The following RBM11 variants were observed in gnomAD, a reference collection of about 807,000 sequenced individuals.
RBM11 encodes RNA binding motif protein 11.
A neutral mutation model predicts 21.4 loss-of-function variants in RBM11; 18 were observed. The observed-to-expected ratio is 0.84, with a 90% CI of 0.58 to 1.25. The LOEUF is 1.25. Ranked by LOEUF, RBM11 falls within the 50% of genes most tolerant of loss-of-function variation. The probability of loss-of-function intolerance (pLI) is 0.00; values close to 1 mark genes in which losing one functional copy is unlikely to be tolerated. For missense variants in RBM11, 294 were observed against 331.9 expected (o/e 0.89, Z 0.89); for synonymous variants, 120 against 116.3 (o/e 1.03, Z -0.20).
intron 4 of RBM11, among the ~76,000 whole-genome samples, chr21:14,226,008 T>C (rs1979055980): frequency 6.6e-6 from 1 of 152,084 alleles, no homozygotes; most frequent in Non-Finnish European, 1.5e-5. Context: ...TGGTTCGGTT[T>C]TCAGAAAACT....
intron 1 of RBM11, among the ~76,000 whole-genome samples, chr21:14,217,158 G>C (rs1333430059): frequency 6.6e-6 from 1 of 152,192 alleles, no homozygotes; most frequent in Non-Finnish European, 1.5e-5. Context: ...CTCTGAGCCT[G>C]TCAATGAATT....
At chr21:14,226,607 G>A (rs1411925138) in intron 4 of RBM11, among the ~76,000 whole-genome samples, 1 of 134,704 alleles carries the variant, frequency 7.4e-6, no homozygotes, top group Non-Finnish European at 1.6e-5. Context: ...GCAACAAAGT[G>A]AGACCCTGTC....
rs746144992 is a variant in RBM11, at chr21:14,224,554, T to G, written c.432+17T>G. 6.5e-7 allele frequency: 1 copy of G among 1,540,690 alleles called. No individual in the cohort carries two copies. ...CAGAAGATGGTAAGTTTAATATGCA[T>G]TTTATTTAGTATATAATATGATACA... On this transcript the variant is annotated intron_variant, in intron 4 of 4. Coordinates refer to ENST00000400577, the MANE Select transcript of RBM11 (RefSeq NM_144770.5).
chr21:14,223,716 T>A (rs1600963652), intron 3 of RBM11, among the ~76,000 whole-genome samples: 1 of 152,182 alleles, frequency 6.6e-6, no homozygotes, highest in Non-Finnish European at 1.5e-5. Context: ...AGTGTTGAGA[T>A]GTGGGACCTT....
At position 14,227,200 on chromosome 21, in the gene RBM11, G is replaced by C. The variant is rs1568903095; in HGVS notation, c.753G>C (p.Lys251Asn). The C allele has an allele frequency of 2.5e-6, 4 of 1,614,022 alleles. No individual in the cohort carries two copies. The highest frequency in any genetic ancestry group is 3.4e-6 in the Non-Finnish European group (4 of 1,179,902). Residue 251 changes from lysine to asparagine, a missense_variant, in exon 5 of 5, where the codon AAG becomes AAC. Coordinates refer to ENST00000400577, the MANE Select transcript of RBM11 (RefSeq NM_144770.5). ...AGATGAATAAACGAAAGAGACAAAA[G>C]CAAACAAGTGATAGTGATAGTAGCA... ...LYQMNKRKRQ[K>N]QTSDSDSSTD...
chr21:14,216,461 C>A (rs1399810871), intron 1 of RBM11, among the ~76,000 whole-genome samples, 179 bp downstream of exon 1: 1 of 152,128 alleles, frequency 6.6e-6, no homozygotes, highest in Non-Finnish European at 1.5e-5. Flanking sequence ...AATGAGGGCG[C>A]GTTCCCCATC....
chr21:14,216,481 G>A (rs527687378), intron 1 of RBM11, among the ~76,000 whole-genome samples, 199 bp downstream of exon 1: 2 of 152,092 alleles, frequency 1.3e-5, no homozygotes, highest in South Asian at 4.1e-4. Flanking sequence ...CCCCATCCGC[G>A]CTGCAGAGTC....
intron 4 of RBM11, among the ~76,000 whole-genome samples, chr21:14,225,274 A>G (rs1018943362): frequency 1.3e-5 from 2 of 152,174 alleles, no homozygotes; most frequent in African/African-American, 2.4e-5. Context: ...TCTTGAGTAT[A>G]TACTTAGTCC....
chr21:14,221,943 A>C (rs903577450), intron 3 of RBM11, among the ~76,000 whole-genome samples: 5 of 152,296 alleles, frequency 3.3e-5, no homozygotes, highest in African/African-American at 1.2e-4. Flanking sequence ...TGCTGACTGC[A>C]GTACTTCTGC....
intron 3 of RBM11, among the ~76,000 whole-genome samples, chr21:14,223,227 A>G (rs1034106529): frequency 2.0e-5 from 3 of 152,226 alleles, no homozygotes; most frequent in African/African-American, 7.2e-5. Flanking sequence ...TTCTGATATT[A>G]TAAAGAAAGC....
In RBM11 at chr21:14,226,888, T is replaced by C. The variant is rs1374348947; in HGVS notation, c.441T>C (p.His147=). 1 of 1,607,254 alleles carries C rather than the reference T, an allele frequency of 6.2e-7. No homozygotes were observed. The stretch of plus-strand genomic sequence containing the variant: ...ATGTCTTGTTTTCACAGCAGTGGCA[T>C]GTGTATAATCCAGTGCTGCAGCTTC... The part of the protein sequence containing the change: ...EYFLFQKMQW[H]VYNPVLQLPY... The change falls in exon 5 of 5, where the codon CAT becomes CAC. Residue 147 remains histidine (H), a synonymous_variant. Transcript: ENST00000400577.
intron 4 of RBM11, among the ~76,000 whole-genome samples, chr21:14,225,634 G>A (rs1040565071): frequency 2.9e-4 from 43 of 150,058 alleles, no homozygotes; most frequent in African/African-American, 1.0e-3. Flanking sequence ...AAATTTTCCT[G>A]TAAATTGATA....
Position 14,227,162 on chromosome 21 carries a change from T to G in RBM11, c.715T>G (p.Ser239Ala), listed in dbSNP as rs200370863. The G allele has an allele frequency of 6.2e-7, 1 of 1,614,030 alleles. No homozygotes were observed. Among genetic ancestry groups the G allele is most frequent in the African/African-American group, 1.3e-5 (1 of 75,054 alleles). ...YKWTHQQPSDSDLYQMNKRKR... is the reference protein window; with the variant it reads ...YKWTHQQPSDADLYQMNKRKR... ...ATGGACTCACCAACAACCAAGTGAC[T>G]CTGACCTTTATCAGATGAATAAACG... The change falls in exon 5 of 5, where the codon TCT becomes GCT. Residue 239 changes from serine to alanine, a missense_variant. Transcript: ENST00000400577.
chr21:14,224,571 TATG>T lies in RBM11; in HGVS notation c.432+37_432+39del, dbSNP rs773577941. On this transcript the variant is annotated intron_variant, in intron 4 of 4. Coordinates refer to ENST00000400577, the MANE Select transcript of RBM11 (RefSeq NM_144770.5). Reference sequence around the variant, plus strand: ...AATATGCATTTTATTTAGTATATAATATGATACAAACTATGAAGAACATAAAGG... The same window carrying T: ...AATATGCATTTTATTTAGTATATAATATACAAACTATGAAGAACATAAAGG... 4.9e-5 allele frequency: 74 copies of T among 1,523,224 alleles called. 2 individuals carry two copies. The South Asian group carries it at 8.1e-4, about 17-fold the overall frequency. 94.4% of individuals were successfully genotyped at this position (1,523,224 alleles called of 1,614,324 possible). A position where few individuals can be genotyped will look rare whatever the true frequency, so the allele number is the denominator to read the frequency against.
chr21:14,222,906 G>A (rs780092221), intron 3 of RBM11, among the ~76,000 whole-genome samples: 3 of 152,182 alleles, frequency 2.0e-5, no homozygotes, highest in Non-Finnish European at 2.9e-5. Flanking sequence ...AGCATAAAGG[G>A]GGGGAAGCAC....
At chr21:14,224,563 G>C (rs977814499) in intron 4 of RBM11, 26 bp downstream of exon 4, 1 of 1,529,616 alleles carries the variant, frequency 6.5e-7, no homozygotes, top group African/African-American at 1.4e-5. Context: ...ATTTTATTTA[G>C]TATATAATAT....
chr21:14,225,867 G>A (rs367581500), intron 4 of RBM11, among the ~76,000 whole-genome samples: 1 of 152,136 alleles, frequency 6.6e-6, no homozygotes, highest in South Asian at 2.1e-4. Flanking sequence ...TTTAAAGGAA[G>A]CATCTCTCTA....
intron 3 of RBM11, among the ~76,000 whole-genome samples, chr21:14,221,693 A>T (rs1978674488): frequency 6.6e-6 from 1 of 152,206 alleles, no homozygotes; most frequent in East Asian, 1.9e-4. Flanking sequence ...GCCTCCACAT[A>T]CACTCTCTGG....
chr21:14,226,562 T>C (rs1298503804), intron 4 of RBM11, among the ~76,000 whole-genome samples: 3 of 149,570 alleles, frequency 2.0e-5, no homozygotes, highest in African/African-American at 7.4e-5. Context: ...CAGGTTGCAG[T>C]GAGCCAAGAT....
Sources: allele counts gnomAD v4.1 joint callset (sites outside exome capture counted in the v4.1 genomes callset), GRCh38; gene constraint gnomAD v4.1.1; transcripts MANE v1.5; gene names NCBI Gene and HGNC (gene_info 2026-07-23, HGNC 2026-07-21).